The following ZNF536 variants were observed in gnomAD, a reference collection of about 807,000 sequenced individuals.
The protein encoded by ZNF536 is zinc finger protein 536.
In ZNF536, 13 loss-of-function variants were observed where a neutral mutation model predicts 84.5. The ratio of observed to expected loss-of-function variants is 0.15; its 90% CI spans 0.10 to 0.24. The LOEUF is 0.24. Ranked by LOEUF, ZNF536 falls within the 10% of genes least tolerant of loss-of-function variation. The probability of loss-of-function intolerance (pLI) is 1.00; values close to 1 mark genes in which losing one functional copy is unlikely to be tolerated. For synonymous variants in ZNF536, 811 were observed against 742.5 expected, an observed-to-expected ratio of 1.09 and a Z score of -1.50; for missense variants, 1,536 against 1,747.5, an observed-to-expected ratio of 0.88 and a Z score of 2.16.
chr19:30,485,810 A>T (rs1218848980), intron 2 of ZNF536, among the ~76,000 whole-genome samples: 1 of 152,172 alleles, frequency 6.6e-6, no homozygotes, highest in Non-Finnish European at 1.5e-5. Context: ...TAATTGTTCC[A>T]AATTAATGTC....
intron 1 of ZNF536, among the ~76,000 whole-genome samples, chr19:30,629,209 G>GT (rs908268079): frequency 1.2e-4 from 18 of 151,438 alleles, no homozygotes; most frequent in African/African-American, 3.4e-4. Context: ...ATTTAATTTT[G>GT]TTTTTTTGAG....
intron 1 of ZNF536, among the ~76,000 whole-genome samples, chr19:30,696,373 C>A (rs1158262805): frequency 6.6e-6 from 1 of 152,212 alleles, no homozygotes; most frequent in Non-Finnish European, 1.5e-5. Context: ...AATGCACTCA[C>A]CCAGAGACAA....
chr19:30,402,628 G>A (rs1005992181), intron 1 of ZNF536, among the ~76,000 whole-genome samples: 1 of 151,616 alleles, frequency 6.6e-6, no homozygotes, highest in Non-Finnish European at 1.5e-5. Flanking sequence ...CGGCTCGACA[G>A]GCTTCTGTGT....
chr19:30,664,204 T>TCTCTC (rs1568650184), intron 1 of ZNF536, among the ~76,000 whole-genome samples: 1 of 90,718 alleles, frequency 1.1e-5, no homozygotes, highest in Non-Finnish European at 2.1e-5. Flanking sequence ...TTGCTGAGTT[T>TCTCTC]TCTCTCTCTC....
At chr19:30,402,330 A>G (rs951683368) in intron 1 of ZNF536, among the ~76,000 whole-genome samples, 17 of 151,400 alleles carry the variant, frequency 1.1e-4, no homozygotes, top group Admixed American at 2.6e-4. Context: ...AGTGGAGGGG[A>G]AAAAAAAAGA....
chr19:30,677,340 TGCAG>T (rs112364336), intron 1 of ZNF536, among the ~76,000 whole-genome samples: 296 of 152,368 alleles, frequency 1.9e-3, no homozygotes, highest in African/African-American at 6.7e-3. Context: ...GGTGACCATG[TGCAG>T]GCATTGGAGT....
intron 2 of ZNF536, among the ~76,000 whole-genome samples, chr19:30,465,813 C>T (rs1000366693): frequency 1.3e-5 from 2 of 151,920 alleles, no homozygotes; most frequent in Admixed American, 6.6e-5. Context: ...TGCAGTGGTG[C>T]GATCTCGGCT....
chr19:30,260,045 G>A (rs1483911062), intron 1 of ZNF536, among the ~76,000 whole-genome samples: 2 of 151,612 alleles, frequency 1.3e-5, no homozygotes, highest in Non-Finnish European at 2.9e-5. Context: ...GATTACAGGC[G>A]TGAGCCACCA....
intron 2 of ZNF536, among the ~76,000 whole-genome samples, chr19:30,454,174 G>A (rs371923398): frequency 1.3e-5 from 2 of 152,344 alleles, no homozygotes; most frequent in South Asian, 2.1e-4. Context: ...GGCATTTCAC[G>A]GAGAAATCAG....
intron 3 of ZNF536, among the ~76,000 whole-genome samples, chr19:30,546,044 G>A (rs1323000251): frequency 6.6e-6 from 1 of 152,112 alleles, no homozygotes; most frequent in Non-Finnish European, 1.5e-5. Context: ...TGCCTGCTGT[G>A]GGCCCCATCA....
intron 1 of ZNF536, among the ~76,000 whole-genome samples, chr19:30,571,358 TA>T (rs1309290304): frequency 1.3e-5 from 2 of 152,078 alleles, no homozygotes; most frequent in Non-Finnish European, 2.9e-5. Context: ...CAGTGAAATA[TA>T]AAGTTGGGAA....
chr19:30,405,571 C>T (rs182517870), intron 1 of ZNF536, among the ~76,000 whole-genome samples: 58 of 152,040 alleles, frequency 3.8e-4, no homozygotes, highest in Admixed American at 3.3e-4. Flanking sequence ...AAAGCTTCTC[C>T]ATGGGTACCA....
chr19:30,244,990 A>T (rs2024169769), intron 1 of ZNF536, among the ~76,000 whole-genome samples: 2 of 152,276 alleles, frequency 1.3e-5, no homozygotes, highest in South Asian at 2.1e-4. Flanking sequence ...AAGTCAATGG[A>T]TGGAGCCATC....
chr19:30,395,169 A>G (rs986208018), intron 1 of ZNF536, among the ~76,000 whole-genome samples: 1 of 152,220 alleles, frequency 6.6e-6, no homozygotes, highest in African/African-American at 2.4e-5. Flanking sequence ...CATCTTATCT[A>G]TGGTACAAGA....
At chr19:30,527,995 G>A (rs2044662165) in intron 2 of ZNF536, among the ~76,000 whole-genome samples, 1 of 152,158 alleles carries the variant, frequency 6.6e-6, no homozygotes, top group Non-Finnish European at 1.5e-5. Flanking sequence ...AGTGAGAGCT[G>A]TGATTTTGAG....
At chr19:30,501,092 A>G (rs1221137650) in intron 2 of ZNF536, among the ~76,000 whole-genome samples, 4 of 152,180 alleles carry the variant, frequency 2.6e-5, no homozygotes, top group African/African-American at 9.7e-5. Context: ...GGGGCTGATT[A>G]CTTTATGAAA....
chr19:30,501,876 C>T (rs1442121946), intron 2 of ZNF536, among the ~76,000 whole-genome samples: 2 of 152,142 alleles, frequency 1.3e-5, no homozygotes, highest in African/African-American at 4.8e-5. Flanking sequence ...AAATAACTCC[C>T]ACATGCTTAG....
At chr19:30,491,835 C>CTT (rs59636784) in intron 2 of ZNF536, among the ~76,000 whole-genome samples, 13 of 145,332 alleles carry the variant, frequency 8.9e-5, no homozygotes, top group East Asian at 6.0e-4. Flanking sequence ...CTTTCCTTTT[C>CTT]TTTTTTTTTT....
Position 30,622,339 on chromosome 19 carries a change from A to G in ZNF536, c.169+72825A>G, listed in dbSNP as rs115868740. Among the ~76,000 whole-genome samples, 1,202 of 152,376 alleles carry G rather than the reference A, an allele frequency of 7.9e-3. 20 individuals are homozygous for G. Among genetic ancestry groups the G allele is most frequent in the African/African-American group, 0.027 (1,125 of 41,588 alleles). ...TGTCATTCAGAGTCTATGAACCAGC[A>G]GTGTTTAGGGGAGTTCAATTTTCCT... On this transcript the variant is annotated intron_variant, in intron 1 of 1. Coordinates refer to the ZNF536 transcript ENST00000592773.
Sources: allele counts gnomAD v4.1 joint callset (sites outside exome capture counted in the v4.1 genomes callset), GRCh38; gene constraint gnomAD v4.1.1; transcripts MANE v1.5; gene names NCBI Gene and HGNC (gene_info 2026-07-23, HGNC 2026-07-21).